ZNF277: variants seen among roughly 807,000 people sequenced by gnomAD.
ZNF277 encodes zinc finger protein 277.
Under a neutral mutation model 60.7 loss-of-function variants are expected in ZNF277, and 55 were observed. The ratio of observed to expected loss-of-function variants is 0.91; its 90% confidence interval spans 0.73 to 1.13. ZNF277 has a LOEUF of 1.13. Ranked by LOEUF, ZNF277 falls within the 50% of genes most tolerant of loss-of-function variation. The probability of loss-of-function intolerance (pLI) is 0.00; values close to 1 mark genes in which losing one functional copy is unlikely to be tolerated. For missense variants in ZNF277, 510 were observed against 523.0 expected, an observed-to-expected ratio of 0.98 and a Z score of 0.24; for synonymous variants, 178 against 179.3, an observed-to-expected ratio of 0.99 and a Z score of 0.06.
intron 4 of ZNF277, among the ~76,000 whole-genome samples, chr7:112,314,414 C>T (rs1792797529): frequency 6.6e-6 from 1 of 152,080 alleles, no homozygotes; most frequent in South Asian, 2.1e-4. Context: ...GAGAATAATA[C>T]ACAACTAAAT....
intron 1 of ZNF277, among the ~76,000 whole-genome samples, chr7:112,231,913 A>T (rs887770132): frequency 6.6e-5 from 10 of 151,916 alleles, no homozygotes; most frequent in African/African-American, 2.4e-4. Context: ...TTATTTCAGA[A>T]ACAGACAAAA....
chr7:112,244,340 C>G (rs1791029636), intron 1 of ZNF277, among the ~76,000 whole-genome samples: 2 of 152,154 alleles, frequency 1.3e-5, no homozygotes, highest in Non-Finnish European at 2.9e-5. Context: ...CTTCCTATGA[C>G]AGTGACCTAT....
chr7:112,268,846 T>C (rs967989187), intron 1 of ZNF277, among the ~76,000 whole-genome samples: 2 of 152,206 alleles, frequency 1.3e-5, no homozygotes, highest in Non-Finnish European at 2.9e-5. Flanking sequence ...TTTCATTGAT[T>C]GCCACTTAAT....
intron 6 of ZNF277, among the ~76,000 whole-genome samples, chr7:112,329,791 T>C (rs992938613): frequency 5.3e-5 from 8 of 152,216 alleles, no homozygotes; most frequent in African/African-American, 7.2e-5. Context: ...TATTTTAGAA[T>C]AGGTAATTCA....
At chr7:112,226,627 G>A (rs927945938) in intron 1 of ZNF277, among the ~76,000 whole-genome samples, 3 of 152,084 alleles carry the variant, frequency 2.0e-5, no homozygotes, top group Admixed American at 6.5e-5. Flanking sequence ...TATTAAGTCA[G>A]GTAACCGTAG....
chr7:112,311,092 C>T (rs1025379038), intron 4 of ZNF277, among the ~76,000 whole-genome samples: 2 of 152,034 alleles, frequency 1.3e-5, no homozygotes, highest in Admixed American at 6.6e-5. Context: ...TTAAATTGCT[C>T]TTTCATAAAT....
chr7:112,247,939 G>A (rs530331211), intron 1 of ZNF277, among the ~76,000 whole-genome samples: 5 of 148,882 alleles, frequency 3.4e-5, no homozygotes, highest in Admixed American at 2.0e-4. Context: ...TTGCACTCTA[G>A]CCTGGGCAAC....
intron 2 of ZNF277, chr7:112,287,414 G>A (rs1315948978): frequency 1.1e-5 from 2 of 182,968 alleles, no homozygotes; most frequent in Non-Finnish European, 2.2e-5. Flanking sequence ...TTAAAGGAGT[G>A]ACATAATCTA....
chr7:112,209,959 G>A (rs1394133542), intron 1 of ZNF277, among the ~76,000 whole-genome samples: 1 of 152,060 alleles, frequency 6.6e-6, no homozygotes, highest in Non-Finnish European at 1.5e-5. Context: ...AGAACACTTG[G>A]ACACAGGGCA....
At position 112,263,371 on chromosome 7, in the gene ZNF277, T is replaced by C. The variant is rs538870744; in HGVS notation, c.92-23502T>C. ...ATGGAATTGAGTTCTCACTGACCCATTGGGATGAGTTTAAAACTGTTTATG... is the reference window on the plus strand; with the variant it reads ...ATGGAATTGAGTTCTCACTGACCCACTGGGATGAGTTTAAAACTGTTTATG... On this transcript the variant is annotated intron_variant, in intron 1 of 11. Coordinates refer to ENST00000361822, the MANE Select transcript of ZNF277 (RefSeq NM_021994.3). Among the ~76,000 whole-genome samples, 5 of 152,302 alleles carry C rather than the reference T, an allele frequency of 3.3e-5. No homozygotes were observed. In the South Asian group the frequency reaches 6.2e-4, roughly 19 times the overall value.
At chr7:112,329,350 T>C (rs1793173333) in intron 6 of ZNF277, among the ~76,000 whole-genome samples, 6 of 152,086 alleles carry the variant, frequency 3.9e-5, no homozygotes, top group Admixed American at 3.9e-4. Flanking sequence ...AGAAAGACAT[T>C]TTGTTAATAA....
chr7:112,287,268 G>C (rs1792090988), intron 2 of ZNF277, 194 bp downstream of exon 2: 1 of 586,010 alleles, frequency 1.7e-6, no homozygotes, highest in Admixed American at 3.1e-5. Flanking sequence ...CCAGCTACTT[G>C]GGAGGTTGAG....
intron 1 of ZNF277, among the ~76,000 whole-genome samples, chr7:112,274,152 AT>A (rs1791742462): frequency 6.6e-6 from 1 of 151,566 alleles, no homozygotes; most frequent in South Asian, 2.1e-4. Context: ...TTTTTTATTA[AT>A]TTTCATTTTG....
intron 4 of ZNF277, among the ~76,000 whole-genome samples, chr7:112,308,943 G>A (rs1055022365): frequency 1.3e-5 from 2 of 152,046 alleles, no homozygotes; most frequent in Admixed American, 1.3e-4. Context: ...ATATGATCTG[G>A]TAAAAAACTG....
chr7:112,289,369 C>T (rs1792151028), intron 2 of ZNF277, among the ~76,000 whole-genome samples: 1 of 152,170 alleles, frequency 6.6e-6, no homozygotes, highest in African/African-American at 2.4e-5. Flanking sequence ...CTCAGCACTA[C>T]TATTTTTCAA....
At chr7:112,264,213 T>C (rs1241550912) in intron 1 of ZNF277, among the ~76,000 whole-genome samples, 3 of 152,104 alleles carry the variant, frequency 2.0e-5, no homozygotes, top group East Asian at 1.9e-4. Flanking sequence ...CATTAGCTTA[T>C]GTATACTAAT....
At chr7:112,338,970 TAC>T (rs1466334010) in intron 9 of ZNF277, among the ~76,000 whole-genome samples, 1 of 152,210 alleles carries the variant, frequency 6.6e-6, no homozygotes, top group Admixed American at 6.5e-5. Context: ...TTAAAACATT[TAC>T]ACAGACAATT....
At chr7:112,310,276 C>T (rs1235679651) in intron 4 of ZNF277, among the ~76,000 whole-genome samples, 2 of 151,832 alleles carry the variant, frequency 1.3e-5, no homozygotes, top group Admixed American at 6.6e-5. Flanking sequence ...GTCAAAGGGC[C>T]CACCATGAAT....
At chr7:112,256,724 G>A (rs367556188) in intron 1 of ZNF277, among the ~76,000 whole-genome samples, 1 of 152,138 alleles carries the variant, frequency 6.6e-6, no homozygotes, top group African/African-American at 2.4e-5. Context: ...GGGATTACAG[G>A]CGTAAACCAG....
Sources: allele counts gnomAD v4.1 joint callset (sites outside exome capture counted in the v4.1 genomes callset), GRCh38; gene constraint gnomAD v4.1.1; transcripts MANE v1.5; gene names NCBI Gene and HGNC (gene_info 2026-07-23, HGNC 2026-07-21).